The following KDM5C variants were observed in gnomAD, a reference collection of about 807,000 sequenced individuals.
KDM5C encodes lysine-specific demethylase 5C.
Under a neutral mutation model 110.6 loss-of-function variants are expected in KDM5C, and 16 were observed. The ratio of observed to expected loss-of-function variants is 0.14; its 90% confidence interval spans 0.10 to 0.22. The LOEUF (loss-of-function observed/expected upper bound fraction) is 0.22, where lower values mean the gene tolerates loss of function less well. Ranked by LOEUF, KDM5C falls within the 10% of genes least tolerant of loss-of-function variation. The pLI, the probability that KDM5C is intolerant of heterozygous loss-of-function variation, is 1.00. For missense variants in KDM5C, 681 were observed against 1,300.9 expected, an observed-to-expected ratio of 0.52 and a Z score of 7.33; for synonymous variants, 511 against 520.4, an observed-to-expected ratio of 0.98 and a Z score of 0.24.
In KDM5C at chrX:53,196,819, T is replaced by C; in HGVS notation, c.2848A>G (p.Met950Val). The C allele has an allele frequency of 8.3e-7, 1 of 1,211,658 alleles. No individual in the cohort carries two copies. Among genetic ancestry groups the C allele is most frequent in the African/African-American group, 1.7e-5 (1 of 58,066 alleles). The change falls in exon 19 of 26, where the codon ATG becomes GTG. Residue 950 changes from methionine (M) to valine (V), a missense_variant. By Grantham distance (21) the Met-to-Val change is conservative. This residue lies in a region of KDM5C where 123 missense variants were observed against 169.0 expected (regional missense o/e 0.73). Transcript: ENST00000375401. ...GCACCCGCGACCAACAGTCCTCGCA[T>C]GACAGCCAAGGTGCCCCTTCGGGCT... ...PSARRGTLAV[M>V]RGLLVAGASV...
intron 13 of KDM5C, 46 bp downstream of exon 13, chrX:53,201,808 C>T (rs781891065): frequency 1.7e-6 from 2 of 1,211,583 alleles, no homozygotes; most frequent in African/African-American, 1.7e-5. Flanking sequence ...AGCTTCTCTA[C>T]AACCCTCCTG....
At position 53,192,353 on chromosome X, in the gene KDM5C, G is replaced by C. The variant is rs2146807267; in HGVS notation, c.*614C>G. On this transcript the variant is annotated 3_prime_UTR_variant, in exon 26 of 26. Coordinates refer to ENST00000375401, the MANE Select transcript of KDM5C (RefSeq NM_004187.5). ...AGGAAAGGAGACAGGGGAGGACAGG[G>C]AGGGAGGACTGAGGTGGTTGTGAGG... is the stretch of plus-strand genomic sequence containing the variant. 5.4e-6 allele frequency: 1 copy of C among 184,067 alleles called. No individual in the cohort carries two copies. Among genetic ancestry groups the C allele is most frequent in the East Asian group, 7.9e-5 (1 of 12,706 alleles). 15.2% of individuals were successfully genotyped at this position (184,067 alleles called of 1,213,427 possible). A position where few individuals can be genotyped will look rare whatever the true frequency, so the allele number is the denominator to read the frequency against.
At chrX:53,210,272 A>C in intron 12 of KDM5C, 142 bp downstream of exon 12, 1 of 743,975 alleles carries the variant, frequency 1.3e-6, no homozygotes. Context: ...CTACTAGACT[A>C]GTCAAACCCG....
chrX:53,222,419 CCATGCCCTCTTGCCTCT>C (rs2073923484), intron 1 of KDM5C, among the ~76,000 whole-genome samples: 1 of 110,004 alleles, frequency 9.1e-6, no homozygotes, highest in Admixed American at 9.7e-5. Context: ...GACAAGCTCC[CCATGCCCTCTTGCCTCT>C]CATCAGGATA....
At chrX:53,217,685 C>G in intron 4 of KDM5C, 111 bp downstream of exon 4, 3 of 810,410 alleles carry the variant, frequency 3.7e-6, no homozygotes, top group Non-Finnish European at 1.9e-6. Context: ...TAGGAAAGAG[C>G]AGAGTCCAAC....
intron 8 of KDM5C, among the ~76,000 whole-genome samples, chrX:53,213,764 A>G (rs183769133): frequency 1.1e-4 from 12 of 111,972 alleles, no homozygotes; most frequent in African/African-American, 2.9e-4. Flanking sequence ...AAAATTCCAG[A>G]CCTTAATTAA....
chrX:53,209,107 G>A (rs782275699), intron 12 of KDM5C, among the ~76,000 whole-genome samples: 7 of 110,935 alleles, frequency 6.3e-5, no homozygotes, highest in East Asian at 2.9e-4. Flanking sequence ...GTGAGCCACC[G>A]TGCCTGGCCA....
chrX:53,218,035 G>C (rs1299073796), intron 3 of KDM5C, 69 bp from the exon 4 acceptor site: 11 of 1,109,810 alleles, frequency 9.9e-6, no homozygotes, highest in African/African-American at 3.6e-5. Context: ...TAGGCCTGTA[G>C]AAAGGGCAAA....
downstream of KDM5C, among the ~76,000 whole-genome samples, chrX:53,190,044 T>C (rs1440945968): frequency 3.6e-5 from 4 of 112,429 alleles, no homozygotes; most frequent in African/African-American, 1.3e-4. Context: ...AGCTAGGTGA[T>C]ATCTCTATAA....
At position 53,217,210 on chromosome X, in the gene KDM5C, A is replaced by T. The variant is rs2146946606; in HGVS notation, c.590T>A (p.Leu197Gln). Residue 197 changes from leucine to glutamine, a missense_variant, in exon 5 of 26, where the codon CTA becomes CAA. By Grantham distance (113) the Leu-to-Gln change is moderately radical. Transcript: ENST00000375401. ...CTTGGAAGGCTGCACAGACTGTCGTAGGGGGATGCTGTGGGGTTTGTATTC... is the reference window on the plus strand; with the variant it reads ...CTTGGAAGGCTGCACAGACTGTCGTTGGGGGATGCTGTGGGGTTTGTATTC... ...DKEYKPHSIP[L>Q]RQSVQPSKFN... is the part of the protein sequence containing the mutation. 1.7e-6 allele frequency: 2 copies of T among 1,211,057 alleles called. No individual in the cohort carries two copies. Among genetic ancestry groups the T allele is most frequent in the Non-Finnish European group, 2.2e-6 (2 of 895,019 alleles).
At position 53,201,956 on chromosome X, in the gene KDM5C, C is replaced by T. The variant is rs61733871; in HGVS notation, c.1764G>A (p.Gln588=). The T allele has an allele frequency of 3.6e-3, 4,311 of 1,210,364 alleles. 10 individuals carry two copies. Among genetic ancestry groups the T allele is most frequent in the Non-Finnish European group, 4.3e-3 (3,887 of 895,201 alleles). Reference sequence around the variant, plus strand: ...AGGTGATGACAAACTCTCCTGCACACTGGTTTGTGCGGACAACCTGAAGAA... The same window carrying T: ...AGGTGATGACAAACTCTCCTGCACATTGGTTTGTGCGGACAACCTGAAGAA... ...SHGVPVVRTN[Q]CAGEFVITFP... Residue 588 remains glutamine, a synonymous_variant, in exon 13 of 26, where the codon CAG becomes CAA. Transcript: ENST00000375401.
Position 53,192,881 on chromosome X carries a change from C to CCCCCCCCCCCCCA in KDM5C, c.*85_*86insTGGGGGGGGGGGG. 9.5e-7 allele frequency: 1 copy of CCCCCCCCCCCCCA among 1,054,428 alleles called. No individual in the cohort carries two copies. The highest frequency in any genetic ancestry group is 2.0e-5 in the African/African-American group (1 of 49,036). The allele number at this position is 1,054,428 out of a possible 1,213,427, so 86.9% of individuals were successfully genotyped here. On this transcript the variant is annotated 3_prime_UTR_variant, in exon 26 of 26. Coordinates refer to ENST00000375401, the MANE Select transcript of KDM5C (RefSeq NM_004187.5). ...TGGCCACCCCCCTACCCGCCCACCC[C>CCCCCCCCCCCCCA]CCAAGAAGCAGGCTTGATGGTCAGA...
intron 25 of KDM5C, among the ~76,000 whole-genome samples, chrX:53,179,060 C>T (rs1207553874): frequency 8.9e-6 from 1 of 112,340 alleles, no homozygotes; most frequent in Admixed American, 9.4e-5. Flanking sequence ...CACGGTGAAA[C>T]CTTGTCTCTA....
intron 12 of KDM5C, among the ~76,000 whole-genome samples, chrX:53,208,249 T>C (rs2073415918): frequency 1.8e-5 from 2 of 108,475 alleles, no homozygotes; most frequent in African/African-American, 3.3e-5. Flanking sequence ...GGTGGTAAAG[T>C]AGCAGCTGGC....
chrX:53,209,402 A>T (rs1272088153), intron 12 of KDM5C, among the ~76,000 whole-genome samples: 1 of 111,421 alleles, frequency 9.0e-6, no homozygotes, highest in Non-Finnish European at 1.9e-5. Context: ...TTTATAATAA[A>T]AAAATATTAC....
intron 7 of KDM5C, 180 bp downstream of exon 7, chrX:53,215,615 T>C (rs2073717575): frequency 2.0e-6 from 1 of 488,051 alleles, no homozygotes; most frequent in Admixed American, 3.0e-5. Context: ...TTGATCACCC[T>C]TTCTTGCTCT....
At chrX:53,185,294 T>C (rs782207433) in intron 25 of KDM5C, among the ~76,000 whole-genome samples, 8 of 111,652 alleles carry the variant, frequency 7.2e-5, no homozygotes, top group Non-Finnish European at 1.3e-4. Context: ...GGTCTTTTCC[T>C]CTTCTGGCTA....
chrX:53,192,865 CCCTA>C lies in KDM5C; in HGVS notation c.*98_*101del. On this transcript the variant is annotated 3_prime_UTR_variant, in exon 26 of 26. Transcript: ENST00000375401. ...GGGCGGGTAGCAGGGATGGCCACCC[CCCTA>C]CCCGCCCACCCCCCAAGAAGCAGGC... is the stretch of plus-strand genomic sequence containing the variant. 1.3e-6 allele frequency: 1 copy of C among 798,185 alleles called. No homozygotes were observed. The highest frequency in any genetic ancestry group is 4.2e-5 in the Admixed American group (1 of 24,066). 65.8% of individuals were successfully genotyped at this position (798,185 alleles called of 1,213,427 possible). A position where few individuals can be genotyped will look rare whatever the true frequency, so the allele number is the denominator to read the frequency against.
At chrX:53,186,476 G>C (rs782739678), downstream of KDM5C, among the ~76,000 whole-genome samples, 11 of 112,061 alleles carry the variant, frequency 9.8e-5, no homozygotes, top group Non-Finnish European at 1.9e-4. Flanking sequence ...TCTATGTGCA[G>C]TAGCACTCCA....
Sources: allele counts gnomAD v4.1 joint callset (sites outside exome capture counted in the v4.1 genomes callset), GRCh38; gene constraint gnomAD v4.1.1; regional missense constraint gnomAD v4.1.1; transcripts MANE v1.5; gene names NCBI Gene and HGNC (gene_info 2026-07-23, HGNC 2026-07-21).